Variants in LIPA observed in about 807,000 individuals in gnomAD.
LIPA encodes the protein lysosomal acid lipase/cholesteryl ester hydrolase.
LIPA carries 26 observed loss-of-function variants against 40.6 expected under a neutral mutation model. The ratio of observed to expected loss-of-function variants is 0.64; its 90% CI spans 0.47 to 0.89. The LOEUF is 0.89. Ranked by LOEUF, LIPA falls within the 40% of genes least tolerant of loss-of-function variation. LIPA has a pLI of 0.00. For missense variants in LIPA, 455 were observed against 479.6 expected (o/e 0.95, Z 0.48); for synonymous variants, 188 against 168.4 (o/e 1.12, Z -0.90).
At chr10:89,378,060 C>T in intron 2 of LIPA, 1 of 1,535,734 alleles carries the variant, frequency 6.5e-7, no homozygotes, top group Non-Finnish European at 9.0e-7. Flanking sequence ...AGCCCTAGAA[C>T]TCTGTGGATG....
intron 3 of LIPA, 83 bp downstream of exon 3, chr10:89,245,593 T>C: frequency 1.3e-6 from 1 of 788,242 alleles, no homozygotes. Flanking sequence ...CCCATTTCAA[T>C]GTTTTTAAGT....
chr10:89,227,026 C>A, intron 4 of LIPA, 22 bp from the exon 5 acceptor site: 7 of 1,361,282 alleles, frequency 5.1e-6, no homozygotes, highest in Non-Finnish European at 6.3e-6. Context: ...GAAAGGAACT[C>A]TTTCATTGAA....
intron 2 of LIPA, among the ~76,000 whole-genome samples, chr10:89,364,636 T>C (rs1844045270): frequency 6.7e-6 from 1 of 149,734 alleles, no homozygotes; most frequent in Admixed American, 6.7e-5. Context: ...TTCTAAAGTA[T>C]TCATATATAT....
chr10:89,294,916 G>A (rs945913227), intron 1 of LIPA, among the ~76,000 whole-genome samples: 9 of 151,616 alleles, frequency 5.9e-5, no homozygotes, highest in East Asian at 1.9e-4. Context: ...AGGTCAAGGC[G>A]ACAGTGAGCT....
At chr10:89,362,636 A>C in intron 2 of LIPA, 1 of 444,288 alleles carries the variant, frequency 2.3e-6, no homozygotes, top group Admixed American at 3.4e-5. Context: ...ACATAGGCAG[A>C]CTGGCAGAAG....
chr10:89,386,960 TGTGTGTGTGTGTGAGA>T (rs1564805297), intron 2 of LIPA, among the ~76,000 whole-genome samples: 1 of 145,604 alleles, frequency 6.9e-6, no homozygotes, highest in South Asian at 2.3e-4. Flanking sequence ...TGTGTGTGTG[TGTGTGTGTGTGTGAGA>T]GAGAGAGAGA....
chr10:89,228,348 TA>T lies in LIPA; in HGVS notation c.279del (p.Ser93ArgfsTer68). The T allele has an allele frequency of 6.2e-7, 1 of 1,614,212 alleles. No individual in the cohort carries two copies. Among genetic ancestry groups the T allele is most frequent in the African/African-American group, 1.3e-5 (1 of 75,060 alleles). On this transcript the variant is annotated frameshift_variant, in exon 4 of 10. Transcript: ENST00000336233. LOFTEE classifies it high-confidence loss of function. ...CTGTTGGCAAGGTTTGTGACCCAGT[TA>T]CTAGAATCTGCCAGCAAGCCATGTT... ...FLQHGLLADSSNWVTNLANSS... is the reference protein window; with the variant it reads ...FLQHGLLADSXNWVTNLANSS...
intron 2 of LIPA, chr10:89,402,365 T>C (rs778985480): frequency 1.9e-6 from 3 of 1,614,038 alleles, no homozygotes; most frequent in Middle Eastern, 1.6e-4. Flanking sequence ...TTGATGACGA[T>C]GAAATGCCTG....
At chr10:89,359,008 A>G (rs1359004152) in intron 2 of LIPA, among the ~76,000 whole-genome samples, 1 of 152,236 alleles carries the variant, frequency 6.6e-6, no homozygotes, top group African/African-American at 2.4e-5. Context: ...TAAATGTATC[A>G]AAATATCAGT....
At chr10:89,341,777 A>G (rs908580516) in intron 1 of LIPA, among the ~76,000 whole-genome samples, 6 of 152,206 alleles carry the variant, frequency 3.9e-5, no homozygotes, top group Non-Finnish European at 7.3e-5. Context: ...ATTCACAGAC[A>G]TAGTATATGC....
intron 1 of LIPA, among the ~76,000 whole-genome samples, chr10:89,293,980 A>T (rs961642109): frequency 1.3e-5 from 2 of 152,148 alleles, no homozygotes; most frequent in Non-Finnish European, 2.9e-5. Flanking sequence ...GAAGACAGAG[A>T]TCTTTGTGTA....
In LIPA at chr10:89,402,557, T is replaced by A. The variant is rs769457925; in HGVS notation, c.61+10234A>T. 3 of 1,613,812 alleles carry A rather than the reference T, an allele frequency of 1.9e-6. No homozygotes were observed. The East Asian group carries it at 6.7e-5, about 36-fold the overall frequency. ...ATGACAACCAAGCAAATGTGAGGAG[T>A]CTGGTGACCTGGGGCAACTTTGCCT... On this transcript the variant is annotated intron_variant, in intron 2 of 8. Transcript: ENST00000371837.
intron 1 of LIPA, chr10:89,307,645 T>C: frequency 3.0e-6 from 1 of 333,022 alleles, no homozygotes; most frequent in Non-Finnish European, 5.6e-6. Context: ...CAATTTGAAC[T>C]GTAACATTTG....
chr10:89,231,267 A>T (rs935388107), intron 3 of LIPA, among the ~76,000 whole-genome samples: 6 of 152,214 alleles, frequency 3.9e-5, no homozygotes, highest in African/African-American at 1.4e-4. Flanking sequence ...CATTTCTGCT[A>T]ATGTCCTAAT....
intron 1 of LIPA, among the ~76,000 whole-genome samples, chr10:89,300,106 T>C (rs1305663796): frequency 6.6e-6 from 1 of 152,222 alleles, no homozygotes; most frequent in Non-Finnish European, 1.5e-5. Flanking sequence ...AATGAAATCA[T>C]GTAATTTGCA....
At chr10:89,325,436 T>C (rs986565296) in intron 1 of LIPA, among the ~76,000 whole-genome samples, 1 of 152,170 alleles carries the variant, frequency 6.6e-6, no homozygotes, top group Non-Finnish European at 1.5e-5. Context: ...CATAGCACTA[T>C]TCACAATAGC....
chr10:89,402,144 A>C, intron 2 of LIPA: 1 of 643,310 alleles, frequency 1.6e-6, no homozygotes, highest in Non-Finnish European at 2.7e-6. Context: ...GAATAACTTA[A>C]AAATACATTA....
At chr10:89,217,034 T>G (rs1434103194) in intron 8 of LIPA, among the ~76,000 whole-genome samples, 1 of 152,210 alleles carries the variant, frequency 6.6e-6, no homozygotes, top group Non-Finnish European at 1.5e-5. Context: ...TAGCAAAATG[T>G]CACTTATTTT....
chr10:89,377,375 G>C (rs1844129359), intron 2 of LIPA, among the ~76,000 whole-genome samples: 1 of 152,166 alleles, frequency 6.6e-6, no homozygotes, highest in Non-Finnish European at 1.5e-5. Context: ...CTACTGACCA[G>C]CTCAAACATT....
Sources: gnomAD v4.1 joint callset for allele counts (sites outside exome capture counted in the v4.1 genomes callset) on GRCh38, gnomAD v4.1.1 for gene constraint, MANE v1.5 for transcripts, NCBI Gene and HGNC (gene_info 2026-07-23, HGNC 2026-07-21) for gene names.